Variants in PRUNE2 observed in about 807,000 individuals in gnomAD.
PRUNE2 encodes prune homolog 2 with BCH domain, also known as protein prune homolog 2.
PRUNE2 carries 164 observed loss-of-function variants against 252.0 expected under a neutral mutation model. The ratio of observed to expected loss-of-function variants is 0.65; its 90% CI spans 0.57 to 0.74. The LOEUF is 0.74. Among genes scored for constraint, PRUNE2 ranks in the 30% least tolerant of loss-of-function variants. The pLI is 0.00. For missense variants in PRUNE2, 3,495 were observed against 3,711.0 expected, an observed-to-expected ratio of 0.94 and a Z score of 1.51; for synonymous variants, 1,292 against 1,350.2, an observed-to-expected ratio of 0.96 and a Z score of 0.94.
intron 6 of PRUNE2, among the ~76,000 whole-genome samples, chr9:76,741,042 A>G (rs900620265): frequency 1.3e-5 from 2 of 152,218 alleles, no homozygotes; most frequent in Admixed American, 1.3e-4. Flanking sequence ...GGTGAAGAAT[A>G]CACTCACAAA....
chr9:76,745,419 C>A (rs553123506), intron 6 of PRUNE2, among the ~76,000 whole-genome samples: 1 of 152,284 alleles, frequency 6.6e-6, no homozygotes, highest in East Asian at 1.9e-4. Flanking sequence ...ATCACTATTG[C>A]AGAATCTAAG....
intron 9 of PRUNE2, among the ~76,000 whole-genome samples, chr9:76,682,124 G>T (rs143874646): frequency 0.012 from 1,817 of 152,124 alleles, 36 homozygotes; most frequent in African/African-American, 0.041. Context: ...AAGAGATTTG[G>T]CTCTTGATCT....
intron 4 of PRUNE2, among the ~76,000 whole-genome samples, chr9:76,839,186 T>C (rs1361588681): frequency 6.6e-6 from 1 of 152,102 alleles, no homozygotes; most frequent in African/African-American, 2.4e-5. Flanking sequence ...AATACAGTCA[T>C]AAAAATAGAG....
At chr9:76,649,075 A>T (rs565167607) in intron 11 of PRUNE2, among the ~76,000 whole-genome samples, 2 of 152,344 alleles carry the variant, frequency 1.3e-5, no homozygotes, top group African/African-American at 4.8e-5. Flanking sequence ...AGAAACAGGT[A>T]CAGGAAAACT....
chr9:76,752,641 T>C (rs2050738676), intron 6 of PRUNE2, among the ~76,000 whole-genome samples: 1 of 152,224 alleles, frequency 6.6e-6, no homozygotes, highest in Non-Finnish European at 1.5e-5. Context: ...GCACTTATAA[T>C]ACAGCAGGCA....
At chr9:76,699,510 G>A (rs1353184030) in intron 9 of PRUNE2, among the ~76,000 whole-genome samples, 2 of 152,180 alleles carry the variant, frequency 1.3e-5, no homozygotes, top group East Asian at 3.9e-4. Flanking sequence ...GAAGTTTCCT[G>A]AAGAAGAAGG....
At chr9:76,629,872 T>C (rs558684718) in intron 15 of PRUNE2, among the ~76,000 whole-genome samples, 60 of 152,326 alleles carry the variant, frequency 3.9e-4, no homozygotes, top group Non-Finnish European at 5.6e-4. Flanking sequence ...CTGTCTTAAG[T>C]GGTTTACACA....
chr9:76,823,790 A>G, intron 5 of PRUNE2, 64 bp from the exon 6 acceptor site: 1 of 971,064 alleles, frequency 1.0e-6, no homozygotes, highest in Non-Finnish European at 1.6e-6. Context: ...TGTAATATCA[A>G]GCGATGTTTT....
intron 4 of PRUNE2, among the ~76,000 whole-genome samples, chr9:76,843,051 C>T (rs1382080054): frequency 1.3e-5 from 2 of 152,144 alleles, no homozygotes; most frequent in African/African-American, 4.8e-5. Context: ...GCACTATTCA[C>T]AAAGACTTGG....
intron 6 of PRUNE2, among the ~76,000 whole-genome samples, chr9:76,807,121 G>C (rs1443162480): frequency 1.3e-5 from 2 of 151,636 alleles, no homozygotes; most frequent in Non-Finnish European, 2.9e-5. Context: ...TGGAGTGCTG[G>C]AGTGCAATGG....
chr9:76,820,232 C>T (rs752099561), intron 6 of PRUNE2, among the ~76,000 whole-genome samples: 1 of 152,190 alleles, frequency 6.6e-6, no homozygotes, highest in Non-Finnish European at 1.5e-5. Context: ...ATTCTGACTT[C>T]CTGTACTGAG....
intron 6 of PRUNE2, among the ~76,000 whole-genome samples, chr9:76,746,726 A>AC (rs1196121017): frequency 2.0e-5 from 3 of 149,138 alleles, no homozygotes; most frequent in African/African-American, 7.5e-5. Context: ...AAAAAAAAAA[A>AC]AAAAAAAAAA....
chr9:76,791,581 C>T (rs2055549585), intron 6 of PRUNE2, among the ~76,000 whole-genome samples: 4 of 143,806 alleles, frequency 2.8e-5, no homozygotes, highest in Non-Finnish European at 6.1e-5. Flanking sequence ...ATCATTGGTA[C>T]AATAATACTG....
chr9:76,831,348 T>A (rs2058667327), intron 4 of PRUNE2, among the ~76,000 whole-genome samples: 1 of 151,922 alleles, frequency 6.6e-6, no homozygotes, highest in Non-Finnish European at 1.5e-5. Context: ...AATTATCTCA[T>A]AAGGAAGCAA....
chr9:76,710,042 G>A lies in PRUNE2; in HGVS notation c.2232C>T (p.Pro744=). 6.2e-7 allele frequency: 1 copy of A among 1,613,878 alleles called. No individual in the cohort carries two copies. Among genetic ancestry groups the A allele is most frequent in the Non-Finnish European group, 8.5e-7 (1 of 1,179,850 alleles). The part of the protein sequence containing the change: ...NEESLPFQNL[P]MEKSPLPNTS... Reference sequence around the variant, plus strand: ...TATTTGGCAAAGGTGACTTCTCCATGGGCAGGTTCTGGAACGGCAAGCTTT... The same window carrying A: ...TATTTGGCAAAGGTGACTTCTCCATAGGCAGGTTCTGGAACGGCAAGCTTT... Residue 744 remains proline, a synonymous_variant, in exon 8 of 19, where the codon CCC becomes CCT. Transcript: ENST00000376718.
intron 1 of PRUNE2, among the ~76,000 whole-genome samples, chr9:76,898,688 CA>C (rs938524020): frequency 6.6e-6 from 1 of 151,224 alleles, no homozygotes. Context: ...AAAAACAAAA[CA>C]AAAAAAACCT....
intron 9 of PRUNE2, among the ~76,000 whole-genome samples, chr9:76,702,663 G>A (rs1009152683): frequency 6.6e-6 from 1 of 151,992 alleles, no homozygotes; most frequent in Admixed American, 6.6e-5. Context: ...CAATTTCTCT[G>A]CCAATTAGGG....
rs760647535 is a variant in PRUNE2, at chr9:76,710,850, C to T, written c.1424G>A (p.Gly475Glu). 2 of 1,543,524 alleles carry T rather than the reference C, an allele frequency of 1.3e-6. No homozygotes were observed. The highest frequency in any genetic ancestry group is 1.7e-6 in the Non-Finnish European group (2 of 1,146,980). The change falls in exon 8 of 19, where the codon GGG becomes GAG. Residue 475 changes from glycine (G) to glutamate (E), a missense_variant. Coordinates refer to ENST00000376718, the MANE Select transcript of PRUNE2 (RefSeq NM_015225.3). ...GLDSYSPIPE[G>E]AVAEEHAWSG... is the part of the protein sequence containing the mutation. ...CCATGCATGTTCCTCCGCCACCGCC[C>T]CTTCAGGGATGGGGCTGTAGGAGTC...
chr9:76,668,830 A>C (rs1259695770), intron 9 of PRUNE2, among the ~76,000 whole-genome samples: 2 of 151,078 alleles, frequency 1.3e-5, no homozygotes, highest in African/African-American at 4.9e-5. Flanking sequence ...CTTCCATAGC[A>C]AAGTATCGCA....
Sources: gnomAD v4.1 joint callset for allele counts (sites outside exome capture counted in the v4.1 genomes callset) on GRCh38, gnomAD v4.1.1 for gene constraint, MANE v1.5 for transcripts, NCBI Gene and HGNC (gene_info 2026-07-23, HGNC 2026-07-21) for gene names.